The following ELMO1 variants were observed in gnomAD, a reference collection of about 807,000 sequenced individuals.
ELMO1 encodes the protein engulfment and cell motility protein 1.
ELMO1 carries 26 observed loss-of-function variants against 98.9 expected under a neutral mutation model. The observed-to-expected ratio is 0.26, with a 90% confidence interval of 0.19 to 0.36. ELMO1 has a LOEUF of 0.36. Ranked by LOEUF, ELMO1 falls within the 10% of genes least tolerant of loss-of-function variation. ELMO1 has a pLI of 1.00. For missense variants in ELMO1, 627 were observed against 935.2 expected (o/e 0.67, Z 4.30); for synonymous variants, 346 against 346.0 (o/e 1.00, Z 0.00).
intron 7 of ELMO1, among the ~76,000 whole-genome samples, chr7:37,237,833 C>A (rs1188108809): frequency 2.0e-5 from 3 of 152,298 alleles, no homozygotes; most frequent in African/African-American, 4.8e-5. Context: ...AGCAAACATT[C>A]TTCTAGCTCC....
intron 16 of ELMO1, among the ~76,000 whole-genome samples, chr7:36,981,294 AG>A (rs1202663511): frequency 3.3e-5 from 5 of 151,674 alleles, no homozygotes; most frequent in African/African-American, 1.2e-4. Context: ...GCCTCTAGGA[AG>A]GCTTTGCAGG....
At chr7:37,204,475 G>A (rs1792489284) in intron 13 of ELMO1, among the ~76,000 whole-genome samples, 1 of 152,196 alleles carries the variant, frequency 6.6e-6, no homozygotes, top group Non-Finnish European at 1.5e-5. Context: ...GACCTTCGCG[G>A]TGAGTGTTAC....
intron 8 of ELMO1, among the ~76,000 whole-genome samples, chr7:37,230,282 A>C (rs930042226): frequency 3.9e-5 from 6 of 152,192 alleles, no homozygotes; most frequent in Non-Finnish European, 8.8e-5. Context: ...AAATGTGACA[A>C]GTGCTGGAAC....
intron 10 of ELMO1, chr7:37,217,778 C>A: frequency 2.2e-6 from 1 of 457,044 alleles, no homozygotes. Context: ...ATCGCCACCA[C>A]AGAAAGGAAA....
At chr7:37,121,399 A>G (rs1176531548) in intron 14 of ELMO1, among the ~76,000 whole-genome samples, 1 of 152,216 alleles carries the variant, frequency 6.6e-6, no homozygotes, top group East Asian at 1.9e-4. Context: ...CAAATGGCTA[A>G]CCAGAATAAC....
intron 4 of ELMO1, among the ~76,000 whole-genome samples, chr7:37,301,900 A>G (rs772342914): frequency 5.3e-5 from 8 of 152,186 alleles, no homozygotes; most frequent in Non-Finnish European, 8.8e-5. Context: ...CTATGTTTGT[A>G]TGATGCACAC....
chr7:37,043,610 C>T (rs1234516188), intron 15 of ELMO1, among the ~76,000 whole-genome samples: 1 of 152,170 alleles, frequency 6.6e-6, no homozygotes, highest in African/African-American at 2.4e-5. Flanking sequence ...TCTCAATAAA[C>T]TTCATTACAA....
At chr7:37,384,046 A>G (rs1802687849) in intron 1 of ELMO1, among the ~76,000 whole-genome samples, 1 of 152,086 alleles carries the variant, frequency 6.6e-6, no homozygotes, top group African/African-American at 2.4e-5. Context: ...CGATCTCCTG[A>G]CCTCGTGATC....
chr7:37,275,664 T>A, intron 4 of ELMO1, among the ~76,000 whole-genome samples: 1 of 152,232 alleles, frequency 6.6e-6, no homozygotes, highest in East Asian at 1.9e-4. Flanking sequence ...CAACAGCACC[T>A]TCTGCCTGTG....
chr7:36,930,346 T>A (rs962991904), intron 16 of ELMO1, among the ~76,000 whole-genome samples: 1 of 152,258 alleles, frequency 6.6e-6, no homozygotes, highest in South Asian at 2.1e-4. Context: ...TAGTCCATGT[T>A]CATATACTGT....
chr7:37,104,349 T>C (rs188355694), intron 14 of ELMO1, among the ~76,000 whole-genome samples: 3 of 150,748 alleles, frequency 2.0e-5, no homozygotes, highest in African/African-American at 4.9e-5. Context: ...TTAATGTGTG[T>C]CAGAATCACC....
chr7:37,112,585 C>A, intron 14 of ELMO1, among the ~76,000 whole-genome samples: 1 of 152,178 alleles, frequency 6.6e-6, no homozygotes, highest in Non-Finnish European at 1.5e-5. Context: ...ACCAGTGTTA[C>A]AGAGCAGCAT....
At chr7:37,095,026 A>G (rs1356215449) in intron 15 of ELMO1, among the ~76,000 whole-genome samples, 3 of 152,224 alleles carry the variant, frequency 2.0e-5, no homozygotes, top group Admixed American at 2.0e-4. Flanking sequence ...ATAGAACATG[A>G]GTGAAGGTAC....
At chr7:37,085,764 C>T (rs1052615314) in intron 15 of ELMO1, among the ~76,000 whole-genome samples, 31 of 152,190 alleles carry the variant, frequency 2.0e-4, no homozygotes, top group African/African-American at 2.9e-4. Flanking sequence ...CACTTTAATA[C>T]TCATTTTACT....
intron 15 of ELMO1, among the ~76,000 whole-genome samples, chr7:37,068,695 T>C (rs1797112629): frequency 6.6e-6 from 1 of 152,162 alleles, no homozygotes; most frequent in Non-Finnish European, 1.5e-5. Context: ...TATAATGATA[T>C]AATGAAACTA....
intron 16 of ELMO1, among the ~76,000 whole-genome samples, chr7:37,007,043 A>G (rs1471798729): frequency 6.6e-6 from 1 of 152,102 alleles, no homozygotes; most frequent in East Asian, 1.9e-4. Context: ...AGACACACAT[A>G]TGAAACTCTT....
intron 14 of ELMO1, among the ~76,000 whole-genome samples, chr7:37,131,328 T>A (rs144227517): frequency 1.3e-5 from 2 of 152,264 alleles, no homozygotes; most frequent in East Asian, 3.9e-4. Context: ...TCTTTACAAA[T>A]AGGTTTTTTC....
chr7:37,139,940 A>G (rs1787508161), intron 13 of ELMO1, among the ~76,000 whole-genome samples: 1 of 152,220 alleles, frequency 6.6e-6, no homozygotes, highest in African/African-American at 2.4e-5. Context: ...GATCTTTGAC[A>G]AAGAAAATAA....
chr7:37,446,750 C>T (rs1020947355), intron 1 of ELMO1, among the ~76,000 whole-genome samples: 6 of 152,120 alleles, frequency 3.9e-5, no homozygotes, highest in African/African-American at 1.2e-4. Context: ...TCTTGTTCTC[C>T]AGTTCAGTAC....
Sources: allele counts gnomAD v4.1 joint callset (sites outside exome capture counted in the v4.1 genomes callset), GRCh38; gene constraint gnomAD v4.1.1; transcripts MANE v1.5; gene names NCBI Gene and HGNC (gene_info 2026-07-23, HGNC 2026-07-21).